Variants in CELF2 observed in about 807,000 individuals in gnomAD.
CELF2 encodes the protein CUG triplet repeat RNA-binding protein 2.
In CELF2, 8 loss-of-function variants were observed where a neutral mutation model predicts 62.6. The observed-to-expected ratio is 0.13, with a 90% confidence interval of 0.07 to 0.23. The LOEUF is 0.23. CELF2 is among the 10% of genes least tolerant of loss of function. CELF2 has a pLI of 1.00. For synonymous variants in CELF2, 258 were observed against 250.0 expected (o/e 1.03, Z -0.30); for missense variants, 333 against 671.0 (o/e 0.50, Z 5.56).
At chr10:11,176,835 G>A (rs889680334) in intron 2 of CELF2, among the ~76,000 whole-genome samples, 2 of 152,096 alleles carry the variant, frequency 1.3e-5, no homozygotes, top group Admixed American at 1.3e-4. Flanking sequence ...TCCTTCATCC[G>A]CTTTTACATA....
intron 1 of CELF2, among the ~76,000 whole-genome samples, chr10:11,056,946 T>A (rs1485839908): frequency 6.6e-6 from 1 of 152,232 alleles, no homozygotes; most frequent in Non-Finnish European, 1.5e-5. Flanking sequence ...TTCAACCTTC[T>A]AACCACATGC....
At chr10:10,597,118 C>T in the CELF2 span, among the ~76,000 whole-genome samples, 270 of 152,316 alleles carry the variant, frequency 1.8e-3, 1 homozygote, top group African/African-American at 6.0e-3. Flanking sequence ...TCCATCCTCC[C>T]AACCTCAAGC....
intron 2 of CELF2, among the ~76,000 whole-genome samples, chr10:11,189,715 G>C (rs2075846878): frequency 1.3e-5 from 2 of 152,342 alleles, no homozygotes; most frequent in Middle Eastern, 3.4e-3. Context: ...ATCTAGGCCA[G>C]AGGCAGAAGT....
At chr10:11,082,180 A>G (rs1436808658) in intron 1 of CELF2, among the ~76,000 whole-genome samples, 1 of 151,812 alleles carries the variant, frequency 6.6e-6, no homozygotes, top group African/African-American at 2.4e-5. Flanking sequence ...ACCTCCAGGG[A>G]CTCTTTCAGA....
rs1340073267 is a variant in CELF2, at chr10:10,950,795, C to T, written c.89+30796C>T. On this transcript the variant is annotated intron_variant, in intron 2 of 13. Coordinates refer to the CELF2 transcript ENST00000636488. ...TCTAAGACAGAAGAGCAGCAGCTATCAGCATGTATTAAATACGCCTCTACT... is the reference window on the plus strand; with the variant it reads ...TCTAAGACAGAAGAGCAGCAGCTATTAGCATGTATTAAATACGCCTCTACT... Among the ~76,000 whole-genome samples, 3 of 152,226 alleles carry T rather than the reference C, an allele frequency of 2.0e-5. No individual in the cohort carries two copies. The East Asian group carries it at 5.8e-4, about 29-fold the overall frequency.
chr10:10,906,070 C>CAATAAA (rs969436963), intron 1 of CELF2, among the ~76,000 whole-genome samples: 8 of 151,556 alleles, frequency 5.3e-5, no homozygotes, highest in African/African-American at 1.7e-4. Context: ...GATTCTGTCT[C>CAATAAA]AATAAAAATA....
chr10:10,795,534 T>C (rs2054093286), upstream of CELF2, among the ~76,000 whole-genome samples: 1 of 152,148 alleles, frequency 6.6e-6, no homozygotes, highest in African/African-American at 2.4e-5. Flanking sequence ...GCAACATTTC[T>C]GTTTGTTTGT....
At chr10:10,937,162 TGTTGCCCAGGCTGGAGCGCAGTGGTGCAA>T (rs2046505534) in intron 2 of CELF2, among the ~76,000 whole-genome samples, 2 of 146,952 alleles carry the variant, frequency 1.4e-5, no homozygotes, top group Non-Finnish European at 3.0e-5. Flanking sequence ...AGCCTCGGTC[TGTTGCCCAGGCTGGAGCGCAGTGGTGCAA>T]TCTTGTCTCA....
chr10:10,525,697 T>C, the CELF2 span, among the ~76,000 whole-genome samples: 1 of 152,236 alleles, frequency 6.6e-6, no homozygotes, highest in South Asian at 2.1e-4. Flanking sequence ...TATTGGGTTT[T>C]GCATATAGAC....
intron 4 of CELF2, among the ~76,000 whole-genome samples, chr10:11,257,336 C>CAAAAAAAAAAAAAAAAAACAAAA (rs2079090027): frequency 8.7e-6 from 1 of 114,750 alleles, no homozygotes. Context: ...AGACCATCTA[C>CAAAAAAAAAAAAAAAAAACAAAA]AAAAAAAAAA....
At chr10:10,657,627 A>T in the CELF2 span, among the ~76,000 whole-genome samples, 44 of 152,196 alleles carry the variant, frequency 2.9e-4, no homozygotes, top group African/African-American at 1.1e-3. Context: ...GAATCCAATT[A>T]TATAAAGTTT....
upstream of CELF2, among the ~76,000 whole-genome samples, chr10:11,003,965 G>C (rs777538566): frequency 6.6e-6 from 1 of 152,078 alleles, no homozygotes; most frequent in Non-Finnish European, 1.5e-5. This position sits in a 1 kb window ranked among gnomAD's most constrained non-coding sequence, Gnocchi z 4.4. Flanking sequence ...GCTATCCTTC[G>C]CTTATTTGCC....
chr10:10,483,389 T>C, the CELF2 span, among the ~76,000 whole-genome samples: 1 of 152,250 alleles, frequency 6.6e-6, no homozygotes, highest in South Asian at 2.1e-4. Context: ...TCATAGTGAG[T>C]TGGGCTAAGC....
At chr10:10,718,839 A>G in the CELF2 span, among the ~76,000 whole-genome samples, 1 of 152,104 alleles carries the variant, frequency 6.6e-6, no homozygotes, top group Non-Finnish European at 1.5e-5. Flanking sequence ...ATTATTCTCT[A>G]TACCAATTCC....
At chr10:10,916,578 A>T (rs927922794) in intron 1 of CELF2, among the ~76,000 whole-genome samples, 1 of 152,168 alleles carries the variant, frequency 6.6e-6, no homozygotes, top group Admixed American at 6.5e-5. Flanking sequence ...TTTTGTGCAT[A>T]AATCCACCCA....
At chr10:10,771,858 C>G in the CELF2 span, among the ~76,000 whole-genome samples, 1 of 152,222 alleles carries the variant, frequency 6.6e-6, no homozygotes, top group Non-Finnish European at 1.5e-5. Flanking sequence ...TGCACGCTGT[C>G]CCAGTATCCT....
chr10:10,601,116 G>A, the CELF2 span, among the ~76,000 whole-genome samples: 2 of 152,198 alleles, frequency 1.3e-5, no homozygotes, highest in Non-Finnish European at 2.9e-5. Context: ...GTCGGCTCCA[G>A]AAAGCTTGAC....
chr10:10,773,391 T>C, the CELF2 span, among the ~76,000 whole-genome samples: 1 of 152,250 alleles, frequency 6.6e-6, no homozygotes, highest in Non-Finnish European at 1.5e-5. Context: ...TTTTGCTTCA[T>C]GTTGTGATTA....
the CELF2 span, among the ~76,000 whole-genome samples, chr10:10,743,874 C>A: frequency 0.011 from 1,625 of 151,308 alleles, 33 homozygotes; most frequent in African/African-American, 0.036. Context: ...AAACACATAT[C>A]GATACAAATA....
Sources: allele counts gnomAD v4.1 joint callset (sites outside exome capture counted in the v4.1 genomes callset), GRCh38; gene constraint gnomAD v4.1.1; non-coding constraint Gnocchi (gnomAD v3.1); transcripts MANE v1.5; gene names NCBI Gene and HGNC (gene_info 2026-07-23, HGNC 2026-07-21).